XPNPEP3: variants seen among roughly 807,000 people sequenced by gnomAD.
The protein encoded by XPNPEP3 is X-prolyl aminopeptidase 3.
XPNPEP3 carries 41 observed loss-of-function variants against 60.0 expected under a neutral mutation model. The observed-to-expected ratio is 0.68, with a 90% confidence interval of 0.53 to 0.89. The LOEUF is 0.89. XPNPEP3 is among the 40% of genes least tolerant of loss of function. The probability of loss-of-function intolerance (pLI) is 0.00; values close to 1 mark genes in which losing one functional copy is unlikely to be tolerated. For synonymous variants in XPNPEP3, 212 were observed against 223.2 expected (o/e 0.95, Z 0.45); for missense variants, 598 against 638.9 (o/e 0.94, Z 0.69).
chr22:40,861,027 A>C, intron 1 of XPNPEP3: 3 of 1,534,242 alleles, frequency 2.0e-6, no homozygotes, highest in Non-Finnish European at 2.6e-6. Context: ...CAAAACACAC[A>C]CAATTGTGTT....
intron 8 of XPNPEP3, among the ~76,000 whole-genome samples, chr22:40,922,721 T>TACAC (rs761542482): frequency 0.016 from 2,296 of 145,384 alleles, 27 homozygotes; most frequent in Non-Finnish European, 0.022. Context: ...TGTAGATATA[T>TACAC]ACACACACAC....
intron 5 of XPNPEP3, 98 bp downstream of exon 5, chr22:40,907,747 G>GACCA: frequency 8.7e-7 from 1 of 1,149,144 alleles, no homozygotes. Context: ...TGATAGTGAT[G>GACCA]ACCAGCATGT....
intron 4 of XPNPEP3, among the ~76,000 whole-genome samples, chr22:40,906,581 A>G (rs1200725899): frequency 5.3e-5 from 8 of 152,198 alleles, no homozygotes; most frequent in Non-Finnish European, 1.0e-4. Flanking sequence ...TGCTTCTGGC[A>G]TCCTACATTG....
chr22:40,873,253 C>T (rs1012315065), intron 2 of XPNPEP3, among the ~76,000 whole-genome samples: 3 of 150,942 alleles, frequency 2.0e-5, no homozygotes, highest in South Asian at 2.1e-4. Context: ...TACACGTGTG[C>T]GCCACCACAC....
chr22:40,906,493 G>A (rs540070949), intron 4 of XPNPEP3, among the ~76,000 whole-genome samples: 2 of 152,064 alleles, frequency 1.3e-5, no homozygotes, highest in South Asian at 4.2e-4. Flanking sequence ...TTATACTGTA[G>A]GTCAGTGATT....
At chr22:40,858,777 G>A (rs1406663543) in intron 1 of XPNPEP3, among the ~76,000 whole-genome samples, 6 of 151,890 alleles carry the variant, frequency 4.0e-5, no homozygotes, top group Non-Finnish European at 7.4e-5. Flanking sequence ...TGATCCACCC[G>A]CCTCGGCCTC....
At chr22:40,864,793 T>C (rs1359715123) in intron 1 of XPNPEP3, among the ~76,000 whole-genome samples, 1 of 152,186 alleles carries the variant, frequency 6.6e-6, no homozygotes. Flanking sequence ...AGGGTTTTTG[T>C]GTCCTGCATT....
chr22:40,922,259 A>T, intron 7 of XPNPEP3, 74 bp from the exon 8 acceptor site: 7 of 1,580,254 alleles, frequency 4.4e-6, no homozygotes, highest in Non-Finnish European at 6.0e-6. Flanking sequence ...GGGTTTTTCT[A>T]ATCAAACTTA....
At chr22:40,912,666 T>TC (rs2058181112) in intron 6 of XPNPEP3, among the ~76,000 whole-genome samples, 1 of 151,820 alleles carries the variant, frequency 6.6e-6, no homozygotes, top group Admixed American at 6.6e-5. Context: ...GCCAGGGAGT[T>TC]CAAGACCATC....
At chr22:40,859,944 T>C (rs1430163407) in intron 1 of XPNPEP3, 1 of 152,220 alleles carries the variant, frequency 6.6e-6, no homozygotes, top group Non-Finnish European at 1.5e-5. Context: ...ATAGAAAATT[T>C]CCTGTCTGGA....
intron 7 of XPNPEP3, among the ~76,000 whole-genome samples, chr22:40,918,882 G>A (rs1488975399): frequency 4.3e-5 from 6 of 140,502 alleles, no homozygotes; most frequent in Non-Finnish European, 9.1e-5. Flanking sequence ...TTGCTCTGTC[G>A]CCCAGGCTGG....
chr22:40,894,438 A>G (rs1371839446), intron 4 of XPNPEP3, among the ~76,000 whole-genome samples: 2 of 152,194 alleles, frequency 1.3e-5, no homozygotes, highest in Non-Finnish European at 2.9e-5. Context: ...TATGCATAAT[A>G]CAGTGGTTAC....
rs1399830688 is a variant in XPNPEP3, at chr22:40,914,993, CAAAAT to C, written c.1055+674_1055+678del. Among the ~76,000 whole-genome samples, 4 of 147,496 alleles carry C rather than the reference CAAAAT, an allele frequency of 2.7e-5. No homozygotes were observed. The East Asian group carries it at 8.1e-4, about 30-fold the overall frequency. On this transcript the variant is annotated intron_variant, in intron 7 of 9. Coordinates refer to ENST00000357137, the MANE Select transcript of XPNPEP3 (RefSeq NM_022098.4). Reference sequence around the variant, plus strand: ...ATTACCCATCTGACATGAAAAAAATCAAAATAAAAGGCACCAGAGAGCTTTCAAAA... The same window carrying C: ...ATTACCCATCTGACATGAAAAAAATCAAAAGGCACCAGAGAGCTTTCAAAA...
At chr22:40,921,615 A>G (rs1462951251) in intron 7 of XPNPEP3, among the ~76,000 whole-genome samples, 1 of 152,054 alleles carries the variant, frequency 6.6e-6, no homozygotes, top group African/African-American at 2.4e-5. Flanking sequence ...ATTAGGGGAC[A>G]TTTAGAGTTT....
intron 6 of XPNPEP3, among the ~76,000 whole-genome samples, chr22:40,910,005 C>A (rs2058171381): frequency 6.6e-6 from 1 of 151,674 alleles, no homozygotes; most frequent in South Asian, 2.1e-4. Flanking sequence ...GATTTTCTTC[C>A]CATGTGACTA....
chr22:40,858,050 T>C (rs1173320305), intron 1 of XPNPEP3, among the ~76,000 whole-genome samples: 2 of 152,202 alleles, frequency 1.3e-5, no homozygotes, highest in Non-Finnish European at 2.9e-5. Context: ...TCAGTTCTCA[T>C]AGTAAAGCTG....
At chr22:40,911,081 A>G (rs1569029845) in intron 6 of XPNPEP3, among the ~76,000 whole-genome samples, 1 of 152,148 alleles carries the variant, frequency 6.6e-6, no homozygotes, top group Non-Finnish European at 1.5e-5. Context: ...TTTATACTTC[A>G]CTAGCAGTGT....
chr22:40,870,781 G>T (rs1008543493), intron 2 of XPNPEP3, among the ~76,000 whole-genome samples: 2 of 152,152 alleles, frequency 1.3e-5, no homozygotes, highest in African/African-American at 4.8e-5. Flanking sequence ...AACTTTGGGA[G>T]GCCAAGGTGG....
rs548264406 is a variant in XPNPEP3, at chr22:40,927,700, C to G, written c.*1265C>G. ...CCTCCTGGCTAACACGGTGAAACCC[C>G]GTCTTTACTAAAAATACAAAAAAAA... On this transcript the variant is annotated 3_prime_UTR_variant, in exon 10 of 10. Coordinates refer to ENST00000357137, the MANE Select transcript of XPNPEP3 (RefSeq NM_022098.4). 1 of 151,498 alleles carries G rather than the reference C, an allele frequency of 6.6e-6. No individual in the cohort carries two copies. The highest frequency in any genetic ancestry group is 1.5e-5 in the Non-Finnish European group (1 of 67,976). 9.4% of individuals were successfully genotyped at this position (151,498 alleles called of 1,614,324 possible).
Sources: allele counts gnomAD v4.1 joint callset (sites outside exome capture counted in the v4.1 genomes callset), GRCh38; gene constraint gnomAD v4.1.1; transcripts MANE v1.5; gene names NCBI Gene and HGNC (gene_info 2026-07-23, HGNC 2026-07-21).